The following DYNC1I1 variants were observed in gnomAD, a reference collection of about 807,000 sequenced individuals.
DYNC1I1 encodes the protein cytoplasmic dynein 1 intermediate chain 1.
In DYNC1I1, 43 loss-of-function variants were observed where a neutral mutation model predicts 86.6. The observed-to-expected ratio is 0.50, with a 90% CI of 0.39 to 0.64. The LOEUF (loss-of-function observed/expected upper bound fraction) is 0.64, where lower values mean the gene tolerates loss of function less well. Among genes scored for constraint, DYNC1I1 ranks in the 30% least tolerant of loss-of-function variants. DYNC1I1 has a pLI of 0.00. For missense variants in DYNC1I1, 604 were observed against 788.8 expected, an observed-to-expected ratio of 0.77 and a Z score of 2.81; for synonymous variants, 262 against 283.7, an observed-to-expected ratio of 0.92 and a Z score of 0.77.
rs528438559 is a variant in DYNC1I1 at position 96,109,910 on chromosome 7, AAAT to A, written c.1543-68_1543-66del. ...ATATGAATTAGGTCTATTATTTGAT[AAAT>A]GTGTTCAAATCTTCTATATATGTAC... On this transcript the variant is annotated intron_variant, in intron 16 of 16. Transcript: ENST00000537881. The A allele has an allele frequency of 4.7e-3, 987 of 211,322 alleles. 3 individuals are homozygous for A. The highest frequency in any genetic ancestry group is 6.9e-3 in the Non-Finnish European group (702 of 101,892). The allele number at this position is 211,322 out of a possible 1,614,324, so 13.1% of individuals were successfully genotyped here.
intron 6 of DYNC1I1, among the ~76,000 whole-genome samples, chr7:95,951,563 A>G (rs1278051875): frequency 6.6e-6 from 1 of 152,168 alleles, no homozygotes; most frequent in Non-Finnish European, 1.5e-5. Flanking sequence ...AATACATCCA[A>G]TACAACCTAT....
At chr7:95,782,772 T>C (rs915021280) in intron 1 of DYNC1I1, among the ~76,000 whole-genome samples, 1 of 151,838 alleles carries the variant, frequency 6.6e-6, no homozygotes, top group Non-Finnish European at 1.5e-5. Flanking sequence ...TTTTATTGAG[T>C]GGTGGAGGTT....
chr7:96,049,418 T>G (rs932204789), intron 14 of DYNC1I1, among the ~76,000 whole-genome samples: 4 of 152,114 alleles, frequency 2.6e-5, no homozygotes, highest in African/African-American at 9.7e-5. Context: ...ACAATGAGAA[T>G]TTTCATGGAA....
At chr7:96,064,028 C>A (rs1243207641) in intron 14 of DYNC1I1, among the ~76,000 whole-genome samples, 1 of 152,156 alleles carries the variant, frequency 6.6e-6, no homozygotes, top group African/African-American at 2.4e-5. Flanking sequence ...TTGGCTGATG[C>A]TGAATGCAGA....
At chr7:95,997,206 C>CT (rs899527112) in intron 10 of DYNC1I1, among the ~76,000 whole-genome samples, 1 of 151,872 alleles carries the variant, frequency 6.6e-6, no homozygotes, top group African/African-American at 2.4e-5. Context: ...ACGGTTCTTT[C>CT]TTTTTTTCTT....
intron 14 of DYNC1I1, among the ~76,000 whole-genome samples, chr7:96,059,028 T>C (rs1789677525): frequency 6.6e-6 from 1 of 152,104 alleles, no homozygotes; most frequent in Non-Finnish European, 1.5e-5. Context: ...AACCATTGCT[T>C]CTGAGGGAGA....
rs6947524 is a variant in DYNC1I1 at position 95,951,382 on chromosome 7, A to G, written c.491-26130A>G. On this transcript the variant is annotated intron_variant, in intron 6 of 16. Transcript: ENST00000447467. ...GAGAGGCAGTCATGCTTATGTTCTC[A>G]CAGTCGTGATAAAACATGGGGTGGC... is the stretch of plus-strand genomic sequence containing the variant. Among the ~76,000 whole-genome samples, 1,453 of 152,194 alleles carry G rather than the reference A, an allele frequency of 9.5e-3. 17 individuals carry two copies. Among genetic ancestry groups the G allele is most frequent in the African/African-American group, 0.033 (1,354 of 41,524 alleles).
At chr7:95,940,465 A>G (rs1792178199) in intron 6 of DYNC1I1, among the ~76,000 whole-genome samples, 1 of 152,206 alleles carries the variant, frequency 6.6e-6, no homozygotes, top group Non-Finnish European at 1.5e-5. Flanking sequence ...CTTTTCACAT[A>G]GTCCCATATT....
At chr7:96,067,542 A>G (rs540006575) in intron 14 of DYNC1I1, among the ~76,000 whole-genome samples, 1 of 151,526 alleles carries the variant, frequency 6.6e-6, no homozygotes, top group East Asian at 1.9e-4. Context: ...AGTCACCTCC[A>G]GACTTGGCCT....
chr7:95,957,199 G>A (rs1562955683), intron 6 of DYNC1I1, among the ~76,000 whole-genome samples: 1 of 152,166 alleles, frequency 6.6e-6, no homozygotes, highest in Non-Finnish European at 1.5e-5. Context: ...ATTACTACCA[G>A]AAATTCCCCA....
chr7:95,916,473 A>G (rs965739348), intron 6 of DYNC1I1, among the ~76,000 whole-genome samples: 1 of 152,160 alleles, frequency 6.6e-6, no homozygotes, highest in African/African-American at 2.4e-5. Flanking sequence ...GAATATGTTT[A>G]TTTATAAAAA....
chr7:95,899,070 T>A (rs1790966402), intron 6 of DYNC1I1, among the ~76,000 whole-genome samples: 1 of 152,200 alleles, frequency 6.6e-6, no homozygotes. Flanking sequence ...ATATTGTTTT[T>A]AATATTTCAA....
At chr7:95,971,918 C>T (rs974049795) in intron 6 of DYNC1I1, among the ~76,000 whole-genome samples, 7 of 152,080 alleles carry the variant, frequency 4.6e-5, no homozygotes, top group Admixed American at 1.3e-4. Context: ...CCAGCCTTAG[C>T]GGTCTTCCTG....
intron 5 of DYNC1I1, among the ~76,000 whole-genome samples, chr7:95,868,931 G>A (rs1562928185): frequency 6.6e-6 from 1 of 150,544 alleles, no homozygotes; most frequent in Non-Finnish European, 1.5e-5. Flanking sequence ...CTCCACGACT[G>A]GATGTTTCCT....
intron 15 of DYNC1I1, among the ~76,000 whole-genome samples, chr7:96,078,812 G>C (rs998520276): frequency 6.6e-6 from 1 of 152,056 alleles, no homozygotes; most frequent in African/African-American, 2.4e-5. Flanking sequence ...AATTAACTTT[G>C]AAGAGTCTAT....
At chr7:95,827,953 T>C in intron 4 of DYNC1I1, 104 bp from the exon 5 acceptor site, 1 of 1,100,084 alleles carries the variant, frequency 9.1e-7, no homozygotes, top group South Asian at 1.3e-5. Context: ...TGTGTATGTA[T>C]TGTATATGCT....
intron 5 of DYNC1I1, among the ~76,000 whole-genome samples, chr7:95,831,626 A>C (rs1423656213): frequency 6.6e-6 from 1 of 152,002 alleles, no homozygotes; most frequent in African/African-American, 2.4e-5. Context: ...AATCTTACCA[A>C]CAGTGTACTA....
chr7:95,993,674 T>C (rs1006888180), intron 9 of DYNC1I1, among the ~76,000 whole-genome samples: 4 of 152,206 alleles, frequency 2.6e-5, no homozygotes, highest in Non-Finnish European at 5.9e-5. Context: ...ACTGTACGCT[T>C]ATACTTCCTC....
chr7:96,062,109 C>T (rs925269535), intron 14 of DYNC1I1, among the ~76,000 whole-genome samples: 1 of 152,208 alleles, frequency 6.6e-6, no homozygotes, highest in Non-Finnish European at 1.5e-5. Context: ...TGCCCTTCGC[C>T]TCTGGAGCCA....
Sources: gnomAD v4.1 joint callset for allele counts (sites outside exome capture counted in the v4.1 genomes callset) on GRCh38, gnomAD v4.1.1 for gene constraint, MANE v1.5 for transcripts, NCBI Gene and HGNC (gene_info 2026-07-23, HGNC 2026-07-21) for gene names.